The following UTP15 variants were observed in gnomAD, a reference collection of about 807,000 sequenced individuals.
UTP15 encodes the protein U3 small nucleolar RNA-associated protein 15 homolog.
Under a neutral mutation model 59.1 loss-of-function variants are expected in UTP15, and 5 were observed. The ratio of observed to expected loss-of-function variants is 0.08; its 90% CI spans 0.04 to 0.18. UTP15 has a LOEUF of 0.18. UTP15 is among the 10% of genes least tolerant of loss of function. The probability of loss-of-function intolerance (pLI) is 1.00; values close to 1 mark genes in which losing one functional copy is unlikely to be tolerated. For synonymous variants in UTP15, 211 were observed against 212.2 expected (o/e 0.99, Z 0.05); for missense variants, 494 against 616.7 (o/e 0.80, Z 2.11).
At position 73,577,991 on chromosome 5, in the gene UTP15, T is replaced by C. The variant is rs371715523; in HGVS notation, c.1030T>C (p.Tyr344His). 2 of 1,580,360 alleles carry C rather than the reference T, an allele frequency of 1.3e-6. No individual in the cohort carries two copies. The highest frequency in any genetic ancestry group is 1.7e-6 in the Non-Finnish European group (2 of 1,170,748). The stretch of plus-strand genomic sequence containing the variant: ...TCGAACCTTTATTAAAGGAAAAAAT[T>C]ACATGAAGCAACGGGTATTTGTGCA... Reference protein sequence around the residue: ...AYRTFIKGKNYMKQRDDILIN... With the variant: ...AYRTFIKGKNHMKQRDDILIN... Residue 344 changes from tyrosine (Y) to histidine (H), a missense_variant, in exon 9 of 13, where the codon TAC becomes CAC. Tyr to His is a moderately conservative substitution (Grantham distance 83). Coordinates refer to ENST00000296792, the MANE Select transcript of UTP15 (RefSeq NM_032175.4).
Position 73,579,852 on chromosome 5 carries a change from A to C in UTP15, c.1340-25A>C, listed in dbSNP as rs895791119. ...ATGTATGGAAAGATATTGCTAGTTA[A>C]TGTGTTTTCTTTCTCTCTTTTTAGA... On this transcript the variant is annotated intron_variant, in intron 12 of 12. Transcript: ENST00000296792. The C allele has an allele frequency of 2.0e-6, 3 of 1,498,858 alleles. No individual in the cohort carries two copies. In the Admixed American group the frequency reaches 6.3e-5, roughly 32 times the overall value. 92.8% of individuals were successfully genotyped at this position (1,498,858 alleles called of 1,614,324 possible).
At chr5:73,569,427 C>G (rs1196537309) in intron 4 of UTP15, 70 bp from the exon 5 acceptor site, 6 of 1,199,120 alleles carry the variant, frequency 5.0e-6, no homozygotes, top group Non-Finnish European at 5.6e-6. Context: ...GAAAAAGGAG[C>G]ATTTTATGTT....
rs1192840680 is a variant in UTP15, at chr5:73,581,894, A to C, written c.*1800A>C. On this transcript the variant is annotated 3_prime_UTR_variant, in exon 13 of 13. Coordinates refer to ENST00000296792, the MANE Select transcript of UTP15 (RefSeq NM_032175.4). ...TTTTTCCCTGAGTAATTATGAACTT[A>C]GTCAAGATCAGAAGCTGGGTTTTGG... 6.6e-6 allele frequency: 1 copy of C among 152,184 alleles called. No individual in the cohort carries two copies. Among genetic ancestry groups the C allele is most frequent in the Non-Finnish European group, 1.5e-5 (1 of 68,034 alleles). The allele number at this position is 152,184 out of a possible 1,614,324, so 9.4% of individuals were successfully genotyped here.
At position 73,567,371 on chromosome 5, in the gene UTP15, T is replaced by G; in HGVS notation, c.27T>G (p.Ile9Met). 1.9e-6 allele frequency: 3 copies of G among 1,609,174 alleles called. No homozygotes were observed. The highest frequency in any genetic ancestry group is 2.5e-6 in the Non-Finnish European group (3 of 1,177,538). Residue 9 changes from isoleucine to methionine, a missense_variant, in exon 2 of 13, where the codon ATT becomes ATG. By Grantham distance (10) the Ile-to-Met change is conservative (BLOSUM62 1). Coordinates refer to ENST00000296792, the MANE Select transcript of UTP15 (RefSeq NM_032175.4). ...TGGCTGGTTATAAGCCTGTAGCTAT[T>G]CAGACATATCCTATACTTGGTGAAA... MAGYKPVAIQTYPILGEKI... is the reference protein window; with the variant it reads MAGYKPVAMQTYPILGEKI...
chr5:73,570,172 A>G (rs1250475145), intron 5 of UTP15, among the ~76,000 whole-genome samples: 1 of 152,022 alleles, frequency 6.6e-6, no homozygotes, highest in Non-Finnish European at 1.5e-5. Context: ...TCTTTTGTTG[A>G]TTGTTCATGT....
intron 5 of UTP15, among the ~76,000 whole-genome samples, chr5:73,570,288 A>G (rs1049949237): frequency 1.8e-4 from 27 of 152,220 alleles, no homozygotes; most frequent in African/African-American, 6.3e-4. Flanking sequence ...CAAAGAGTGC[A>G]GTTTAGCCTT....
chr5:73,579,788 A>T, intron 12 of UTP15, 89 bp from the exon 13 acceptor site: 1 of 720,144 alleles, frequency 1.4e-6, no homozygotes, highest in Non-Finnish European at 2.1e-6. Flanking sequence ...TCTTATGTTT[A>T]ATATTTTTAT....
At chr5:73,574,366 T>C (rs1412510217) in intron 7 of UTP15, among the ~76,000 whole-genome samples, 1 of 152,160 alleles carries the variant, frequency 6.6e-6, no homozygotes, top group Non-Finnish European at 1.5e-5. Context: ...TCTCAGTTTT[T>C]AAATTAAAAT....
rs1748315580 is a variant in UTP15, at chr5:73,581,668, G to A, written c.*1574G>A. ...AAAAATGCTTAATATGTTCCAGTAAGGGTATTAAGTAAAAATTAAATAAAC... is the reference window on the plus strand; with the variant it reads ...AAAAATGCTTAATATGTTCCAGTAAAGGTATTAAGTAAAAATTAAATAAAC... On this transcript the variant is annotated 3_prime_UTR_variant, in exon 13 of 13. Coordinates refer to ENST00000296792, the MANE Select transcript of UTP15 (RefSeq NM_032175.4). 1 of 151,210 alleles carries A rather than the reference G, an allele frequency of 6.6e-6. No individual in the cohort carries two copies. Among genetic ancestry groups the A allele is most frequent in the South Asian group, 2.1e-4 (1 of 4,756 alleles). 9.4% of individuals were successfully genotyped at this position (151,210 alleles called of 1,614,324 possible).
chr5:73,577,850 T>TA lies in UTP15; in HGVS notation c.895-5dup. 1 of 1,575,982 alleles carries TA rather than the reference T, an allele frequency of 6.3e-7. No homozygotes were observed. The highest frequency in any genetic ancestry group is 8.6e-7 in the Non-Finnish European group (1 of 1,168,096). Reference sequence around the variant, plus strand: ...TAGACTAACTTATTTTTCTAATTGTTATTAGCATGAAGATGAGACAATAGT... The same window carrying TA: ...TAGACTAACTTATTTTTCTAATTGTTAATTAGCATGAAGATGAGACAATAGT... On this transcript the variant is annotated splice_region_variant and splice_polypyrimidine_tract_variant and intron_variant, in intron 8 of 12. Transcript: ENST00000296792.
At position 73,581,447 on chromosome 5, in the gene UTP15, A is replaced by G. The variant is rs536496394; in HGVS notation, c.*1353A>G. 1.3e-5 allele frequency: 2 copies of G among 152,294 alleles called. No individual in the cohort carries two copies. Among genetic ancestry groups the G allele is most frequent in the South Asian group, 4.1e-4 (2 of 4,828 alleles). The allele number at this position is 152,294 out of a possible 1,614,324, so 9.4% of individuals were successfully genotyped here. The stretch of plus-strand genomic sequence containing the variant: ...TAATCATTGGCTAGTAACTCCTAGT[A>G]CACTGGTTTCACAGTTGCTACCTCT... On this transcript the variant is annotated 3_prime_UTR_variant, in exon 13 of 13. Coordinates refer to ENST00000296792, the MANE Select transcript of UTP15 (RefSeq NM_032175.4).
chr5:73,573,361 A>T (rs1342601048), intron 7 of UTP15, among the ~76,000 whole-genome samples: 1 of 146,376 alleles, frequency 6.8e-6, no homozygotes, highest in African/African-American at 2.5e-5. Context: ...GATTCTCGTG[A>T]CCCAGCCTCC....
intron 10 of UTP15, 35 bp downstream of exon 10, chr5:73,578,887 C>G: frequency 6.3e-7 from 1 of 1,586,344 alleles, no homozygotes; most frequent in Non-Finnish European, 8.7e-7. Context: ...CATGTTATTA[C>G]TTACCCTGCA....
At chr5:73,571,020 A>C (rs1172348559) in intron 6 of UTP15, among the ~76,000 whole-genome samples, 1 of 152,190 alleles carries the variant, frequency 6.6e-6, no homozygotes, top group Non-Finnish European at 1.5e-5. Context: ...TAAGTGGCAG[A>C]TCTGAAATCA....
chr5:73,574,491 ATT>A (rs34417829), intron 7 of UTP15, among the ~76,000 whole-genome samples: 6 of 146,688 alleles, frequency 4.1e-5, no homozygotes, highest in Non-Finnish European at 3.0e-5. Context: ...TTTATTATTA[ATT>A]TTTTTTTTTT....
chr5:73,569,319 A>G (rs572321865), intron 4 of UTP15, among the ~76,000 whole-genome samples, 178 bp from the exon 5 acceptor site: 7 of 151,988 alleles, frequency 4.6e-5, no homozygotes. Flanking sequence ...TACACTTCTT[A>G]ATTGGTTTGG....
At chr5:73,574,654 A>G (rs531627176) in intron 7 of UTP15, among the ~76,000 whole-genome samples, 4 of 151,926 alleles carry the variant, frequency 2.6e-5, no homozygotes, top group Admixed American at 6.6e-5. Flanking sequence ...TACCTGACTC[A>G]TTTTTGTATT....
At position 73,577,087 on chromosome 5, in the gene UTP15, T is replaced by G. The variant is rs374533127; in HGVS notation, c.894+51T>G. 28 of 1,374,138 alleles carry G rather than the reference T, an allele frequency of 2.0e-5. No individual in the cohort carries two copies. In the African/African-American group the frequency reaches 2.6e-4, roughly 13 times the overall value. 85.1% of individuals were successfully genotyped at this position (1,374,138 alleles called of 1,614,324 possible). Reference sequence around the variant, plus strand: ...TCTGTCACTAACCCTGCCTGTTAAATGAAACTAAAATGGAACTTTGGGCTT... The same window carrying G: ...TCTGTCACTAACCCTGCCTGTTAAAGGAAACTAAAATGGAACTTTGGGCTT... On this transcript the variant is annotated intron_variant, in intron 8 of 12. Transcript: ENST00000296792.
rs1748147174 is a variant in UTP15, at chr5:73,577,842, C to T, written c.895-14C>T. Reference sequence around the variant, plus strand: ...GTTAAGAATAGACTAACTTATTTTTCTAATTGTTATTAGCATGAAGATGAG... The same window carrying T: ...GTTAAGAATAGACTAACTTATTTTTTTAATTGTTATTAGCATGAAGATGAG... On this transcript the variant is annotated splice_polypyrimidine_tract_variant and intron_variant, in intron 8 of 12. Transcript: ENST00000296792. 2 of 1,569,616 alleles carry T rather than the reference C, an allele frequency of 1.3e-6. No individual in the cohort carries two copies. The highest frequency in any genetic ancestry group is 8.6e-7 in the Non-Finnish European group (1 of 1,165,192).
Sources: gnomAD v4.1 joint callset for allele counts (sites outside exome capture counted in the v4.1 genomes callset) on GRCh38, gnomAD v4.1.1 for gene constraint, MANE v1.5 for transcripts, NCBI Gene and HGNC (gene_info 2026-07-23, HGNC 2026-07-21) for gene names.